The following VCL variants were observed in gnomAD, a reference collection of about 807,000 sequenced individuals.
The protein encoded by VCL is epididymis luminal protein 114.
In VCL, 47 loss-of-function variants were observed where a neutral mutation model predicts 125.7. The observed-to-expected ratio is 0.37, with a 90% CI of 0.30 to 0.48. The LOEUF (loss-of-function observed/expected upper bound fraction) is 0.48, where lower values mean the gene tolerates loss of function less well. Ranked by LOEUF, VCL falls within the 20% of genes least tolerant of loss-of-function variation. The pLI is 0.99. For missense variants in VCL, 1,069 were observed against 1,455.5 expected (o/e 0.73, Z 4.32); for synonymous variants, 458 against 514.6 (o/e 0.89, Z 1.49).
intron 8 of VCL, among the ~76,000 whole-genome samples, chr10:74,087,513 ATTTTTT>A (rs1167937127): frequency 1.6e-5 from 2 of 123,036 alleles, no homozygotes; most frequent in Non-Finnish European, 1.7e-5. Context: ...CGCCTGGCTA[ATTTTTT>A]TTTTTTTTTT....
chr10:74,098,103 C>T (rs985963151), intron 13 of VCL, among the ~76,000 whole-genome samples: 1 of 152,090 alleles, frequency 6.6e-6, no homozygotes, highest in Non-Finnish European at 1.5e-5. Context: ...TCGTGTGGTA[C>T]CACTCTTCCC....
At position 74,118,596 on chromosome 10, in the gene VCL, TAAG is replaced by T; in HGVS notation, c.*433_*435del. ...CCCAGGGCCCAGGCAAATCAGTTAC[TAAG>T]AAGAAAATTGCTGTGCCTCCCAAAA... On this transcript the variant is annotated 3_prime_UTR_variant, in exon 22 of 22. Transcript: ENST00000211998. 3.9e-6 allele frequency: 1 copy of T among 257,308 alleles called. No homozygotes were observed. Among genetic ancestry groups the T allele is most frequent in the Non-Finnish European group, 7.7e-6 (1 of 129,704 alleles). 15.9% of individuals were successfully genotyped at this position (257,308 alleles called of 1,614,324 possible). A position where few individuals can be genotyped will look rare whatever the true frequency, so the allele number is the denominator to read the frequency against.
chr10:74,064,917 G>C (rs1349868545), intron 2 of VCL, among the ~76,000 whole-genome samples: 1 of 152,096 alleles, frequency 6.6e-6, no homozygotes, highest in Non-Finnish European at 1.5e-5. Context: ...CAGAAGATAA[G>C]AGGAAGAGTC....
At chr10:74,092,817 G>A (rs1198980711) in intron 10 of VCL, among the ~76,000 whole-genome samples, 4 of 152,100 alleles carry the variant, frequency 2.6e-5, no homozygotes, top group Non-Finnish European at 5.9e-5. Context: ...TTGATGGTGG[G>A]TTTAACAATC....
intron 7 of VCL, among the ~76,000 whole-genome samples, chr10:74,082,799 G>T (rs1251213100): frequency 6.6e-6 from 1 of 152,232 alleles, no homozygotes; most frequent in South Asian, 2.1e-4. Flanking sequence ...CAAAATTTTT[G>T]GTTCTCCCCT....
At chr10:74,101,547 T>G (rs975172349) in intron 14 of VCL, among the ~76,000 whole-genome samples, 10 of 136,624 alleles carry the variant, frequency 7.3e-5, no homozygotes, top group South Asian at 2.4e-4. Flanking sequence ...TATTAGTTTT[T>G]TTTTTTTTTT....
chr10:74,048,960 T>G (rs1350014632), intron 2 of VCL, among the ~76,000 whole-genome samples: 1 of 152,030 alleles, frequency 6.6e-6, no homozygotes, highest in Non-Finnish European at 1.5e-5. Flanking sequence ...TACAAAAAAT[T>G]AGCCGGACGT....
chr10:74,109,168 A>G lies in VCL; in HGVS notation c.2745+12A>G, dbSNP rs776564674. ...AATGGTCCAGCAAGGTAAGTAGTGAAGCTTTTCTTGTTGAGAAAGGATGTC... is the reference window on the plus strand; with the variant it reads ...AATGGTCCAGCAAGGTAAGTAGTGAGGCTTTTCTTGTTGAGAAAGGATGTC... On this transcript the variant is annotated intron_variant, in intron 18 of 21. Coordinates refer to ENST00000211998, the MANE Select transcript of VCL (RefSeq NM_014000.3). 6.2e-7 allele frequency: 1 copy of G among 1,614,052 alleles called. No individual in the cohort carries two copies. Among genetic ancestry groups the G allele is most frequent in the Admixed American group, 1.7e-5 (1 of 60,002 alleles).
At chr10:74,098,849 A>G (rs892311171) in intron 13 of VCL, among the ~76,000 whole-genome samples, 4 of 152,138 alleles carry the variant, frequency 2.6e-5, no homozygotes, top group African/African-American at 9.7e-5. Context: ...TCAGGCTAGT[A>G]GATACATCTA....
intron 14 of VCL, 114 bp from the exon 15 acceptor site, chr10:74,103,706 C>G: frequency 1.0e-6 from 1 of 971,560 alleles, no homozygotes; most frequent in Non-Finnish European, 1.6e-6. Flanking sequence ...AAGAGACTTG[C>G]CACTTTCTGG....
chr10:74,054,287 A>T (rs1326823381), intron 2 of VCL, among the ~76,000 whole-genome samples: 1 of 152,234 alleles, frequency 6.6e-6, no homozygotes, highest in African/African-American at 2.4e-5. Context: ...TGTCAGTGTT[A>T]GCTCTACATA....
At chr10:74,076,353 C>T (rs1839586090) in intron 6 of VCL, 1 of 152,640 alleles carries the variant, frequency 6.6e-6, no homozygotes, top group Admixed American at 6.5e-5. Context: ...ATCAGGCTGC[C>T]TATATTTGGT....
chr10:74,061,840 G>A (rs947734277), intron 2 of VCL, among the ~76,000 whole-genome samples: 4 of 148,814 alleles, frequency 2.7e-5, no homozygotes, highest in Admixed American at 6.7e-5. Flanking sequence ...CATATCTTTC[G>A]TATCTAGTTG....
At chr10:74,116,613 G>A (rs1840313425) in intron 21 of VCL, among the ~76,000 whole-genome samples, 1 of 151,540 alleles carries the variant, frequency 6.6e-6, no homozygotes. Flanking sequence ...TTGAACCTGG[G>A]AGGCGGAAAT....
At position 74,095,793 on chromosome 10, in the gene VCL, A is replaced by G. The variant is rs1321164216; in HGVS notation, c.1681A>G (p.Arg561Gly). The change falls in exon 12 of 22, where the codon AGA becomes GGA. Residue 561 changes from arginine to glycine, a missense_variant. By Grantham distance (125) the Arg-to-Gly change is moderately radical. Transcript: ENST00000211998. ...LTAQLADLAARGEGESPQARA... is the reference protein window; with the variant it reads ...LTAQLADLAAGGEGESPQARA... ...AGCCCAGCTGGCTGACCTGGCTGCC[A>G]GAGGGGAAGGGGAGAGTCCTCAGGC... is the stretch of plus-strand genomic sequence containing the variant. 16 of 1,614,084 alleles carry G rather than the reference A, an allele frequency of 9.9e-6. No individual in the cohort carries two copies. Among genetic ancestry groups the G allele is most frequent in the Middle Eastern group, 1.6e-4 (1 of 6,070 alleles).
At chr10:74,094,878 G>A (rs1185782612) in intron 11 of VCL, among the ~76,000 whole-genome samples, 1 of 152,170 alleles carries the variant, frequency 6.6e-6, no homozygotes, top group Non-Finnish European at 1.5e-5. Context: ...AGTCTGTAGT[G>A]AGCTATGATC....
At position 74,118,521 on chromosome 10, in the gene VCL, C is replaced by T. The variant is rs1286412728; in HGVS notation, c.*352C>T. 7 of 321,038 alleles carry T rather than the reference C, an allele frequency of 2.2e-5. No homozygotes were observed. The highest frequency in any genetic ancestry group is 3.0e-5 in the Non-Finnish European group (5 of 164,490). 19.9% of individuals were successfully genotyped at this position (321,038 alleles called of 1,614,324 possible). On this transcript the variant is annotated 3_prime_UTR_variant, in exon 22 of 22. Coordinates refer to ENST00000211998, the MANE Select transcript of VCL (RefSeq NM_014000.3). ...GCCCTTGTTCCCTAGGGGACACTTC[C>T]CTCTGTTTCTCTTTCCTTGGCTCCC...
intron 20 of VCL, 94 bp from the exon 21 acceptor site, chr10:74,114,701 G>A: frequency 7.4e-7 from 1 of 1,346,260 alleles, no homozygotes. Flanking sequence ...TTCTGTGCCA[G>A]CCACTGGGAA....
At chr10:74,012,093 A>G (rs1453097311) in intron 1 of VCL, among the ~76,000 whole-genome samples, 2 of 152,234 alleles carry the variant, frequency 1.3e-5, no homozygotes, top group African/African-American at 2.4e-5. Context: ...GTGAAGAAAG[A>G]AATGGCACAG....
Sources: allele counts gnomAD v4.1 joint callset (sites outside exome capture counted in the v4.1 genomes callset), GRCh38; gene constraint gnomAD v4.1.1; transcripts MANE v1.5; gene names NCBI Gene and HGNC (gene_info 2026-07-23, HGNC 2026-07-21).